The following CREB1 variants were observed in gnomAD, a reference collection of about 807,000 sequenced individuals.
CREB1 encodes cyclic AMP-responsive element-binding protein 1.
A neutral mutation model predicts 42.0 loss-of-function variants in CREB1; 2 were observed. The ratio of observed to expected loss-of-function variants is 0.05; its 90% CI spans 0.02 to 0.15. The LOEUF is 0.15. Among genes scored for constraint, CREB1 ranks in the 10% least tolerant of loss-of-function variants. The probability of loss-of-function intolerance (pLI) is 1.00; values close to 1 mark genes in which losing one functional copy is unlikely to be tolerated. For missense variants in CREB1, 199 were observed against 388.9 expected (o/e 0.51, Z 4.11); for synonymous variants, 123 against 139.9 (o/e 0.88, Z 0.85).
rs35735523 is a variant in CREB1, at chr2:207,576,241, C to CTT, written c.688+804_688+805dup. On this transcript the variant is annotated intron_variant, in intron 6 of 7. Coordinates refer to ENST00000353267, the MANE Select transcript of CREB1 (RefSeq NM_004379.5). ...AAATTATAGAAGTTGCTTTTTTTGGCTTTTTTTTTTTTTTTTTTAGTTTTT... is the reference window on the plus strand; with the variant it reads ...AAATTATAGAAGTTGCTTTTTTTGGCTTTTTTTTTTTTTTTTTTTTAGTTTTT... 1.2e-3 allele frequency among the ~76,000 whole-genome samples: 117 copies of CTT among 101,080 alleles called. 1 individual carries two copies. The highest frequency in any genetic ancestry group is 4.2e-3 in the African/African-American group (111 of 26,434). 66.3% of individuals were successfully genotyped at this position (101,080 alleles called of 152,430 possible).
chr2:207,601,391 AT>A lies in CREB1; in HGVS notation c.*4337del, dbSNP rs2087026077. ...ATGGAAGTTTTTCATTGATTAAAAT[AT>A]TTTAGCACCTAAAAGCTAGCCTTAA... On this transcript the variant is annotated 3_prime_UTR_variant, in exon 8 of 8. Coordinates refer to ENST00000353267, the MANE Select transcript of CREB1 (RefSeq NM_004379.5). 1.6e-5 allele frequency: 3 copies of A among 186,456 alleles called. No homozygotes were observed. The highest frequency in any genetic ancestry group is 1.7e-4 in the East Asian group (2 of 11,508). The allele number at this position is 186,456 out of a possible 1,614,324, so 11.6% of individuals were successfully genotyped here.
Position 207,597,188 on chromosome 2 carries a change from T to A in CREB1, c.*130T>A. The A allele has an allele frequency of 1.0e-6, 1 of 965,202 alleles. No homozygotes were observed. The highest frequency in any genetic ancestry group is 2.0e-5 in the South Asian group (1 of 51,106). The allele number at this position is 965,202 out of a possible 1,614,324, so 59.8% of individuals were successfully genotyped here. A position where few individuals can be genotyped will look rare whatever the true frequency, so the allele number is the denominator to read the frequency against. Reference sequence around the variant, plus strand: ...ATGCGCAAAACTGCCTGAAAGCAACTACAGAATTTCATTCATTTGTGCTTT... The same window carrying A: ...ATGCGCAAAACTGCCTGAAAGCAACAACAGAATTTCATTCATTTGTGCTTT... On this transcript the variant is annotated 3_prime_UTR_variant, in exon 8 of 8. Transcript: ENST00000353267.
chr2:207,604,368 G>A lies in CREB1; in HGVS notation c.*7310G>A, dbSNP rs2087690088. On this transcript the variant is annotated 3_prime_UTR_variant, in exon 8 of 8. Coordinates refer to ENST00000353267, the MANE Select transcript of CREB1 (RefSeq NM_004379.5). ...TCTCCCCCAAATCTTCCTTCCGCTGGTTTTTCCATCTCGTAAGTGGTGCCA... is the reference window on the plus strand; with the variant it reads ...TCTCCCCCAAATCTTCCTTCCGCTGATTTTTCCATCTCGTAAGTGGTGCCA... Among the ~76,000 whole-genome samples, 1 of 152,166 alleles carries A rather than the reference G, an allele frequency of 6.6e-6. No individual in the cohort carries two copies. The highest frequency in any genetic ancestry group is 2.4e-5 in the African/African-American group (1 of 41,436).
At chr2:207,572,738 C>A (rs1203093977) in intron 5 of CREB1, among the ~76,000 whole-genome samples, 4 of 151,994 alleles carry the variant, frequency 2.6e-5, no homozygotes, top group Non-Finnish European at 5.9e-5. Context: ...ATGGTGTGAA[C>A]CCAGAGGGCG....
chr2:207,573,963 T>G (rs953866260), intron 5 of CREB1, among the ~76,000 whole-genome samples: 1 of 152,222 alleles, frequency 6.6e-6, no homozygotes, highest in African/African-American at 2.4e-5. Flanking sequence ...TCATGCAAAA[T>G]TAATCTTAGA....
chr2:207,535,540 C>T (rs970445939), intron 1 of CREB1, among the ~76,000 whole-genome samples: 2 of 151,554 alleles, frequency 1.3e-5, no homozygotes, highest in South Asian at 2.1e-4. Flanking sequence ...CTTACCTTGA[C>T]GATTTTCTAG....
intron 1 of CREB1, among the ~76,000 whole-genome samples, chr2:207,541,731 G>A (rs965349935): frequency 2.0e-5 from 3 of 152,176 alleles, no homozygotes; most frequent in African/African-American, 7.2e-5. Flanking sequence ...CATTTGGTGT[G>A]TACAGTTCAG....
intron 1 of CREB1, among the ~76,000 whole-genome samples, chr2:207,546,634 A>G (rs1052922941): frequency 3.3e-5 from 5 of 152,036 alleles, no homozygotes; most frequent in African/African-American, 9.7e-5. Context: ...GACTGAGGCA[A>G]GAGAACCGCT....
At chr2:207,547,112 C>T (rs2081329494) in intron 1 of CREB1, among the ~76,000 whole-genome samples, 1 of 152,156 alleles carries the variant, frequency 6.6e-6, no homozygotes, top group Non-Finnish European at 1.5e-5. Context: ...TGACTCCTCC[C>T]ATAACATGTG....
intron 2 of CREB1, among the ~76,000 whole-genome samples, chr2:207,557,991 T>C (rs1423138770): frequency 6.6e-6 from 1 of 152,192 alleles, no homozygotes; most frequent in African/African-American, 2.4e-5. Flanking sequence ...GTTCTCAAAC[T>C]TCAGTGTACG....
chr2:207,536,422 G>A (rs1019145426), intron 1 of CREB1, among the ~76,000 whole-genome samples: 1 of 151,878 alleles, frequency 6.6e-6, no homozygotes, highest in Non-Finnish European at 1.5e-5. Flanking sequence ...GGGCATGGGG[G>A]CAGGCGCCTG....
intron 7 of CREB1, among the ~76,000 whole-genome samples, chr2:207,595,036 G>A (rs371987824): frequency 6.8e-5 from 9 of 131,670 alleles, no homozygotes; most frequent in African/African-American, 2.6e-4. Flanking sequence ...TCGCTCTGTT[G>A]CCTAGGTAGA....
intron 1 of CREB1, among the ~76,000 whole-genome samples, chr2:207,539,287 T>TA (rs940999761): frequency 3.3e-5 from 5 of 151,216 alleles, no homozygotes; most frequent in Non-Finnish European, 7.4e-5. Context: ...CTCCTGACCT[T>TA]ATGTGATCTG....
At chr2:207,556,764 A>G (rs1020822057) in intron 2 of CREB1, among the ~76,000 whole-genome samples, 2 of 152,216 alleles carry the variant, frequency 1.3e-5, no homozygotes, top group African/African-American at 4.8e-5. Flanking sequence ...AAGGGGAGAG[A>G]GCCAGGACTT....
chr2:207,576,987 C>T (rs1459988430), intron 6 of CREB1: 2 of 887,636 alleles, frequency 2.3e-6, no homozygotes, highest in South Asian at 5.1e-5. Context: ...TCAAGTGATA[C>T]ACTTTTTCAT....
chr2:207,541,249 G>A (rs1019529422), intron 1 of CREB1, among the ~76,000 whole-genome samples: 34 of 152,082 alleles, frequency 2.2e-4, no homozygotes, highest in African/African-American at 8.0e-4. Context: ...TAAGTATACA[G>A]TGCCTTTGAA....
At chr2:207,544,899 T>A (rs1260249976) in intron 1 of CREB1, among the ~76,000 whole-genome samples, 1 of 152,234 alleles carries the variant, frequency 6.6e-6, no homozygotes, top group Non-Finnish European at 1.5e-5. Flanking sequence ...AAGGACATGA[T>A]CTTGTTCTTT....
chr2:207,591,483 A>G (rs2085018762), intron 7 of CREB1, among the ~76,000 whole-genome samples: 1 of 152,124 alleles, frequency 6.6e-6, no homozygotes, highest in Admixed American at 6.5e-5. Context: ...CTGGAGTGCA[A>G]TGGCAGTGGC....
chr2:207,574,308 T>C (rs1050526016), intron 5 of CREB1, among the ~76,000 whole-genome samples: 1 of 152,236 alleles, frequency 6.6e-6, no homozygotes, highest in African/African-American at 2.4e-5. Context: ...TGTAGTTTTA[T>C]ATGTGATATT....
Sources: allele counts gnomAD v4.1 joint callset (sites outside exome capture counted in the v4.1 genomes callset), GRCh38; gene constraint gnomAD v4.1.1; transcripts MANE v1.5; gene names NCBI Gene and HGNC (gene_info 2026-07-23, HGNC 2026-07-21).